SLC7A1: variants seen among roughly 807,000 people sequenced by gnomAD.
SLC7A1 encodes the protein high affinity cationic amino acid transporter 1.
Under a neutral mutation model 53.9 loss-of-function variants are expected in SLC7A1, and 10 were observed. The observed-to-expected ratio is 0.19, with a 90% CI of 0.11 to 0.31. The LOEUF is 0.31. SLC7A1 is among the 10% of genes least tolerant of loss of function. SLC7A1 has a pLI of 1.00. For synonymous variants in SLC7A1, 342 were observed against 338.7 expected, an observed-to-expected ratio of 1.01 and a Z score of -0.11; for missense variants, 525 against 827.2, an observed-to-expected ratio of 0.63 and a Z score of 4.48.
chr13:29,572,573 G>A lies in SLC7A1; in HGVS notation c.-114-18713C>T, dbSNP rs1871246567. Among the ~76,000 whole-genome samples the A allele has an allele frequency of 2.6e-5, 4 of 152,262 alleles. No homozygotes were observed. In the South Asian group the frequency reaches 8.3e-4, roughly 32 times the overall value. On this transcript the variant is annotated intron_variant, in intron 1 of 12. Coordinates refer to ENST00000380752, the MANE Select transcript of SLC7A1 (RefSeq NM_003045.5). ...TGCCATCAGTTATCATCAATATGAA[G>A]GGAATGAGCCCAAGGTAACTCTGAA...
At position 29,524,932 on chromosome 13, in the gene SLC7A1, A is replaced by T. The variant is rs138532143; in HGVS notation, c.705-679T>A. Among the ~76,000 whole-genome samples, 416 of 152,316 alleles carry T rather than the reference A, an allele frequency of 2.7e-3. 2 individuals carry two copies. Among genetic ancestry groups the T allele is most frequent in the African/African-American group, 9.4e-3 (390 of 41,570 alleles). On this transcript the variant is annotated intron_variant, in intron 5 of 12. Transcript: ENST00000380752. ...GAAGAAGCAGGCTGCTTAAACATTCAGAAAACAGTCCCATAAATCTGACAC... is the reference window on the plus strand; with the variant it reads ...GAAGAAGCAGGCTGCTTAAACATTCTGAAAACAGTCCCATAAATCTGACAC...
chr13:29,540,830 G>A (rs1315237902), intron 2 of SLC7A1, among the ~76,000 whole-genome samples: 1 of 152,222 alleles, frequency 6.6e-6, no homozygotes, highest in Non-Finnish European at 1.5e-5. Flanking sequence ...TGTGGTCTAC[G>A]TTTGTATCAG....
chr13:29,517,330 C>A lies in SLC7A1; in HGVS notation c.1511-20G>T. Reference sequence around the variant, plus strand: ...GAACAGCTAAGGGGGAAGGAAAAGACAGCAAGCTGCAACTCAACCATTTCC... The same window carrying A: ...GAACAGCTAAGGGGGAAGGAAAAGAAAGCAAGCTGCAACTCAACCATTTCC... On this transcript the variant is annotated intron_variant, in intron 10 of 12. Transcript: ENST00000380752. 6.3e-7 allele frequency: 1 copy of A among 1,592,378 alleles called. No homozygotes were observed. Among genetic ancestry groups the A allele is most frequent in the Non-Finnish European group, 8.6e-7 (1 of 1,168,552 alleles).
intron 2 of SLC7A1, among the ~76,000 whole-genome samples, chr13:29,543,957 G>A (rs996895673): frequency 4.6e-5 from 7 of 152,170 alleles, no homozygotes; most frequent in African/African-American, 1.4e-4. Flanking sequence ...CAGTGGGGAA[G>A]TTGCCCAGCC....
intron 5 of SLC7A1, among the ~76,000 whole-genome samples, chr13:29,528,550 A>G (rs1432904610): frequency 3.9e-5 from 6 of 152,128 alleles, no homozygotes; most frequent in African/African-American, 1.4e-4. Context: ...GCAGTGCCCT[A>G]CTATTTCAGA....
At chr13:29,517,088 A>T in intron 11 of SLC7A1, 56 bp downstream of exon 11, 2 of 1,493,078 alleles carry the variant, frequency 1.3e-6, no homozygotes, top group South Asian at 1.4e-5. Context: ...CTGGCCAGGC[A>T]TCAGGAGGGC....
chr13:29,522,640 A>G (rs1201901554), intron 7 of SLC7A1, among the ~76,000 whole-genome samples, 184 bp from the exon 8 acceptor site: 1 of 152,250 alleles, frequency 6.6e-6, no homozygotes, highest in Non-Finnish European at 1.5e-5. Context: ...AATCCCAGAA[A>G]GAGCACACAC....
chr13:29,519,581 G>A, intron 8 of SLC7A1, 32 bp from the exon 9 acceptor site: 2 of 1,369,584 alleles, frequency 1.5e-6, no homozygotes, highest in Non-Finnish European at 2.1e-6. Flanking sequence ...GATCTGTGGA[G>A]GGCCATCTGC....
At chr13:29,574,643 C>CTTTTT (rs60597221) in intron 1 of SLC7A1, among the ~76,000 whole-genome samples, 6 of 121,918 alleles carry the variant, frequency 4.9e-5, no homozygotes, top group East Asian at 2.6e-4. Context: ...GCAGCTAATG[C>CTTTTT]TTTTTTTTTT....
intron 1 of SLC7A1, among the ~76,000 whole-genome samples, chr13:29,554,236 G>A (rs991429951): frequency 2.0e-5 from 3 of 152,218 alleles, no homozygotes; most frequent in Admixed American, 6.5e-5. Context: ...GAAGGGGAAC[G>A]AGTCCGCTCC....
chr13:29,522,266 A>G (rs1252909794), intron 8 of SLC7A1, 51 bp downstream of exon 8: 2 of 1,593,528 alleles, frequency 1.3e-6, no homozygotes, highest in East Asian at 2.2e-5. Flanking sequence ...CCTAGGGAGT[A>G]ATGACTCCAT....
intron 1 of SLC7A1, among the ~76,000 whole-genome samples, chr13:29,569,681 A>G (rs952672205): frequency 1.3e-5 from 2 of 152,218 alleles, no homozygotes; most frequent in African/African-American, 4.8e-5. Flanking sequence ...TTGCACTATC[A>G]AGACAGATTT....
intron 1 of SLC7A1, among the ~76,000 whole-genome samples, chr13:29,590,492 C>T (rs776239543): frequency 1.4e-4 from 22 of 152,084 alleles, no homozygotes; most frequent in African/African-American, 2.7e-4. Flanking sequence ...AGTCACTGAG[C>T]GCAAGGTGCA....
intron 1 of SLC7A1, among the ~76,000 whole-genome samples, chr13:29,561,624 T>C (rs1469099615): frequency 6.6e-6 from 1 of 152,248 alleles, no homozygotes; most frequent in Non-Finnish European, 1.5e-5. Flanking sequence ...GCTAAGAGAC[T>C]GAAATAACTT....
At position 29,519,490 on chromosome 13, in the gene SLC7A1, G is replaced by A; in HGVS notation, c.1249C>T (p.Leu417Phe). Residue 417 changes from leucine to phenylalanine, a missense_variant, in exon 9 of 13, where the codon CTC becomes TTC. Transcript: ENST00000380752. ...DLVDLMSIGT[L>F]LAYSLVAACV... ...GCAGCCACCAACGAGTAAGCCAGGA[G>A]AGTGCCAATGGACATGAGGTCCACC... 6.2e-7 allele frequency: 1 copy of A among 1,613,796 alleles called. No homozygotes were observed.
intron 1 of SLC7A1, among the ~76,000 whole-genome samples, chr13:29,589,567 G>A (rs184519649): frequency 6.6e-6 from 1 of 152,218 alleles, no homozygotes; most frequent in African/African-American, 2.4e-5. Context: ...CTTGGGAGGG[G>A]GAAGACCCAC....
intron 2 of SLC7A1, among the ~76,000 whole-genome samples, chr13:29,549,991 A>C (rs1432136847): frequency 6.6e-6 from 1 of 152,208 alleles, no homozygotes; most frequent in Non-Finnish European, 1.5e-5. Context: ...GGAATTCTTA[A>C]AGGCTGAAAA....
intron 1 of SLC7A1, among the ~76,000 whole-genome samples, chr13:29,592,754 T>C (rs1872162170): frequency 6.6e-6 from 1 of 151,708 alleles, no homozygotes; most frequent in African/African-American, 2.4e-5. Flanking sequence ...GGAAGAGAGG[T>C]CTAAACCCTG....
At chr13:29,545,531 A>G (rs1869878541) in intron 2 of SLC7A1, among the ~76,000 whole-genome samples, 1 of 152,230 alleles carries the variant, frequency 6.6e-6, no homozygotes, top group Admixed American at 6.5e-5. Context: ...GTACTAGGAA[A>G]CGCCCAGAAA....
Sources: allele counts gnomAD v4.1 joint callset (sites outside exome capture counted in the v4.1 genomes callset), GRCh38; gene constraint gnomAD v4.1.1; transcripts MANE v1.5; gene names NCBI Gene and HGNC (gene_info 2026-07-23, HGNC 2026-07-21).